The following WNK3 variants were observed in gnomAD, a reference collection of about 807,000 sequenced individuals.
WNK3 encodes serine/threonine-protein kinase WNK3.
Under a neutral mutation model 116.7 loss-of-function variants are expected in WNK3, and 18 were observed. That is an observed-to-expected ratio of 0.15 (90% CI 0.11 to 0.23). The LOEUF (loss-of-function observed/expected upper bound fraction) is 0.23. WNK3 is among the 10% of genes least tolerant of loss of function. WNK3 has a pLI of 1.00. For missense variants in WNK3, 993 were observed against 1,323.8 expected (o/e 0.75, Z 3.88); for synonymous variants, 404 against 469.4 (o/e 0.86, Z 1.80).
chrX:54,318,714 G>A (rs2068992541), intron 2 of WNK3, among the ~76,000 whole-genome samples: 1 of 110,573 alleles, frequency 9.0e-6, no homozygotes, highest in Non-Finnish European at 1.9e-5. Flanking sequence ...AAAAAATAAG[G>A]AACTCAGAGA....
rs149772440 is a variant in WNK3, at chrX:54,232,442, G to A, written c.4840+367C>T. Among the ~76,000 whole-genome samples the A allele has an allele frequency of 3.5e-3, 390 of 111,413 alleles. 2 individuals carry two copies. The highest frequency in any genetic ancestry group is 0.012 in the African/African-American group (365 of 30,657). ...CAGGCGTGAGCCACTGCGCCTGGCC[G>A]AGTATAATTTTAAGATTATCTTGTT... On this transcript the variant is annotated intron_variant, in intron 21 of 23. Transcript: ENST00000354646.
intron 1 of WNK3, among the ~76,000 whole-genome samples, chrX:54,346,808 T>A (rs1299446419): frequency 9.0e-6 from 1 of 111,271 alleles, no homozygotes; most frequent in Non-Finnish European, 1.9e-5. Flanking sequence ...AATATAATAA[T>A]CAATAAATGC....
chrX:54,268,872 A>C (rs1474687520), intron 10 of WNK3, among the ~76,000 whole-genome samples: 1 of 111,804 alleles, frequency 8.9e-6, no homozygotes, highest in African/African-American at 3.2e-5. Flanking sequence ...ATGGATGCTA[A>C]AACTAGTAAG....
chrX:54,345,253 C>G, intron 1 of WNK3, among the ~76,000 whole-genome samples: 1 of 101,678 alleles, frequency 9.8e-6, no homozygotes, highest in South Asian at 4.6e-4. Context: ...ACAACAACAA[C>G]AACAACAACA....
At chrX:54,316,826 C>A (rs1321615789) in intron 2 of WNK3, among the ~76,000 whole-genome samples, 3 of 111,112 alleles carry the variant, frequency 2.7e-5, no homozygotes, top group African/African-American at 9.8e-5. Context: ...TATGGAGAAA[C>A]CTTGTACATT....
intron 21 of WNK3, among the ~76,000 whole-genome samples, chrX:54,230,247 A>G (rs2067886052): frequency 8.9e-6 from 1 of 111,793 alleles, no homozygotes; most frequent in Non-Finnish European, 1.9e-5. Flanking sequence ...AAGGATACAT[A>G]GGTACATAGC....
chrX:54,356,371 C>T (rs2069593675), intron 1 of WNK3, among the ~76,000 whole-genome samples: 1 of 111,392 alleles, frequency 9.0e-6, no homozygotes, highest in South Asian at 3.8e-4. Context: ...AGTGCAGTGG[C>T]ACAATCTTGG....
At chrX:54,199,393 T>C (rs2067479257) in intron 23 of WNK3, among the ~76,000 whole-genome samples, 1 of 111,346 alleles carries the variant, frequency 9.0e-6, no homozygotes, top group African/African-American at 3.3e-5. Flanking sequence ...AGTTAAGAGT[T>C]ACCATGACTA....
exon 9 of WNK3, chrX:54,293,193 C>A: frequency 8.3e-7 from 1 of 1,209,929 alleles, no homozygotes; most frequent in Non-Finnish European, 1.1e-6. Context: ...TGCCCTGGAA[C>A]ATTTACTTCA....
exon 16 of WNK3, chrX:54,250,018 C>A: frequency 8.3e-7 from 1 of 1,204,102 alleles, no homozygotes. Flanking sequence ...CGGCCAGGAA[C>A]CGCAGACATG....
At chrX:54,317,485 T>G (rs1298432559) in intron 2 of WNK3, among the ~76,000 whole-genome samples, 1 of 110,013 alleles carries the variant, frequency 9.1e-6, no homozygotes, top group Non-Finnish European at 1.9e-5. Flanking sequence ...GAAAACGTTA[T>G]GGTAAGTGAA....
intron 23 of WNK3, among the ~76,000 whole-genome samples, chrX:54,200,361 C>T (rs2067489585): frequency 9.0e-6 from 1 of 111,263 alleles, no homozygotes; most frequent in African/African-American, 3.3e-5. Context: ...AGTAAGGATA[C>T]AGAGCAATAC....
chrX:54,267,074 T>G (rs2068320832), intron 10 of WNK3, among the ~76,000 whole-genome samples: 1 of 111,309 alleles, frequency 9.0e-6, no homozygotes, highest in Admixed American at 9.6e-5. Context: ...AAAAGGATTA[T>G]AAATCATTCT....
intron 2 of WNK3, among the ~76,000 whole-genome samples, chrX:54,313,558 C>G (rs1321556960): frequency 9.1e-6 from 1 of 110,136 alleles, no homozygotes; most frequent in East Asian, 2.9e-4. Context: ...CCATGTTGGT[C>G]AGGATGATCT....
At chrX:54,215,363 G>C (rs1382887929) in intron 22 of WNK3, among the ~76,000 whole-genome samples, 2 of 111,837 alleles carry the variant, frequency 1.8e-5, no homozygotes, top group East Asian at 2.9e-4. Context: ...ACTGGTTTTC[G>C]TATTTTTTGG....
intron 17 of WNK3, among the ~76,000 whole-genome samples, chrX:54,245,159 T>A (rs2068062794): frequency 9.4e-6 from 1 of 106,577 alleles, no homozygotes; most frequent in East Asian, 2.9e-4. Context: ...TGTGTGTGTG[T>A]GTGTGTGTGT....
At chrX:54,199,965 TG>T (rs1557141264) in intron 23 of WNK3, among the ~76,000 whole-genome samples, 1 of 112,724 alleles carries the variant, frequency 8.9e-6, no homozygotes, top group Non-Finnish European at 1.9e-5. Context: ...TCAGCCAAAC[TG>T]GCCTACTTTC....
At chrX:54,251,595 G>A (rs782120482) in exon 14 of WNK3, 4 of 1,208,765 alleles carry the variant, frequency 3.3e-6, no homozygotes, top group African/African-American at 3.5e-5. Flanking sequence ...TGGCAAAGTG[G>A]ACATGAAGGA....
At chrX:54,302,984 C>A (rs2068785142) in intron 5 of WNK3, among the ~76,000 whole-genome samples, 1 of 79,368 alleles carries the variant, frequency 1.3e-5, no homozygotes, top group Admixed American at 1.7e-4. Context: ...GTTGCCCAGT[C>A]TGGTCTTGAA....
Sources: gnomAD v4.1 joint callset for allele counts (sites outside exome capture counted in the v4.1 genomes callset) on GRCh38, gnomAD v4.1.1 for gene constraint, MANE v1.5 for transcripts, NCBI Gene and HGNC (gene_info 2026-07-23, HGNC 2026-07-21) for gene names.